The following FBN1 variants were observed in gnomAD, a reference collection of about 807,000 sequenced individuals.
FBN1 encodes the protein fibrillin 1.
Under a neutral mutation model 365.1 loss-of-function variants are expected in FBN1, and 29 were observed. The ratio of observed to expected loss-of-function variants is 0.08; its 90% CI spans 0.06 to 0.11. The LOEUF (loss-of-function observed/expected upper bound fraction) is 0.11, where lower values mean the gene tolerates loss of function less well. Among genes scored for constraint, FBN1 ranks in the 10% least tolerant of loss-of-function variants. FBN1 has a pLI of 1.00. For missense variants in FBN1, 2,476 were observed against 3,703.2 expected (o/e 0.67, Z 8.60); for synonymous variants, 1,210 against 1,270.5 (o/e 0.95, Z 1.01).
intron 32 of FBN1, among the ~76,000 whole-genome samples, chr15:48,479,753 C>A (rs2043452460): frequency 6.6e-6 from 1 of 152,166 alleles, no homozygotes. Context: ...GTCTTAGTAT[C>A]TGTGCAAATT....
At chr15:48,632,367 G>A (rs1890003958) in intron 2 of FBN1, among the ~76,000 whole-genome samples, 1 of 152,078 alleles carries the variant, frequency 6.6e-6, no homozygotes, top group South Asian at 2.1e-4. Flanking sequence ...ATCTGTAACA[G>A]CATTATAATC....
At chr15:48,491,397 C>A (rs1198569811) in intron 24 of FBN1, among the ~76,000 whole-genome samples, 1 of 151,484 alleles carries the variant, frequency 6.6e-6, no homozygotes, top group Admixed American at 6.6e-5. Context: ...TTTGCCTAGG[C>A]CGGACTGCAG....
chr15:48,444,142 T>C (rs1044220616), intron 49 of FBN1, among the ~76,000 whole-genome samples: 4 of 152,152 alleles, frequency 2.6e-5, no homozygotes, highest in Admixed American at 6.6e-5. Flanking sequence ...AGACAAACGA[T>C]ATAACCACAT....
chr15:48,593,429 T>C (rs1291465312), intron 6 of FBN1, among the ~76,000 whole-genome samples: 1 of 152,202 alleles, frequency 6.6e-6, no homozygotes, highest in Non-Finnish European at 1.5e-5. Context: ...ACATTCCTCC[T>C]TTTTGCATCC....
At chr15:48,578,145 T>C (rs1414019930) in intron 6 of FBN1, among the ~76,000 whole-genome samples, 4 of 152,164 alleles carry the variant, frequency 2.6e-5, no homozygotes, top group Non-Finnish European at 5.9e-5. Context: ...AGAAAATATA[T>C]TTTAAAATCA....
At chr15:48,561,192 C>T (rs974952582) in intron 6 of FBN1, among the ~76,000 whole-genome samples, 1 of 152,084 alleles carries the variant, frequency 6.6e-6, no homozygotes, top group Admixed American at 6.6e-5. Flanking sequence ...TTAGTGATTT[C>T]CTTAAAACTA....
chr15:48,420,635 C>T (rs1025097229), intron 63 of FBN1, 52 bp downstream of exon 63: 14 of 1,611,302 alleles, frequency 8.7e-6, no homozygotes, highest in Non-Finnish European at 1.2e-5. Context: ...CAGTGTTTTG[C>T]TTCATAGGAC....
chr15:48,505,805 G>T (rs2043703370), intron 15 of FBN1, among the ~76,000 whole-genome samples: 1 of 152,194 alleles, frequency 6.6e-6, no homozygotes, highest in South Asian at 2.1e-4. Flanking sequence ...TATACTTAAG[G>T]AGGTCTGGTA....
chr15:48,644,037 C>T (rs965704489), intron 2 of FBN1: 1 of 154,966 alleles, frequency 6.5e-6, no homozygotes, highest in Non-Finnish European at 1.4e-5. Context: ...ACTCAAAAAA[C>T]CAGTTCTCAG....
At chr15:48,430,153 T>C (rs2043013276) in intron 56 of FBN1, among the ~76,000 whole-genome samples, 1 of 152,178 alleles carries the variant, frequency 6.6e-6, no homozygotes, top group Non-Finnish European at 1.5e-5. Flanking sequence ...CAACTCCTGG[T>C]CTAAGGCTGA....
At chr15:48,413,707 T>C (rs1267297557) in intron 64 of FBN1, among the ~76,000 whole-genome samples, 1 of 152,234 alleles carries the variant, frequency 6.6e-6, no homozygotes, top group Non-Finnish European at 1.5e-5. Flanking sequence ...TTTAAATGGG[T>C]AGATTTCTAA....
intron 42 of FBN1, among the ~76,000 whole-genome samples, chr15:48,462,395 T>C (rs754968964): frequency 1.3e-5 from 2 of 152,206 alleles, no homozygotes; most frequent in Non-Finnish European, 2.9e-5. Context: ...TCTTTCTCCA[T>C]GAGAATATAA....
intron 63 of FBN1, among the ~76,000 whole-genome samples, chr15:48,419,714 A>G (rs1219921833): frequency 6.6e-6 from 1 of 152,212 alleles, no homozygotes; most frequent in Non-Finnish European, 1.5e-5. Flanking sequence ...CATCTGCATG[A>G]AAGTGAACCC....
chr15:48,465,299 A>AT (rs2043311489), intron 40 of FBN1, among the ~76,000 whole-genome samples: 1 of 152,190 alleles, frequency 6.6e-6, no homozygotes, highest in South Asian at 2.1e-4. Context: ...ATGGAAAAAT[A>AT]TTTTGTAAGC....
chr15:48,526,213 C>T lies in FBN1; in HGVS notation c.905G>A (p.Gly302Asp), dbSNP rs779866501. 1 of 1,613,974 alleles carries T rather than the reference C, an allele frequency of 6.2e-7. No homozygotes were observed. Among genetic ancestry groups the T allele is most frequent in the African/African-American group, 1.3e-5 (1 of 75,010 alleles). ...CSTIPGICEG[G>D]ECTNTVSSYF... is the part of the protein sequence containing the mutation. The stretch of plus-strand genomic sequence containing the variant: ...ACTGCTGACTGTGTTTGTACATTCA[C>T]CCCCTTCACAGATTCCAGGAATGGT... The change falls in exon 9 of 66, where the codon GGT becomes GAT. Residue 302 changes from glycine to aspartate, a missense_variant. Gly to Asp is a moderately conservative substitution (Grantham distance 94). Around this residue, in one of 5 missense-constraint regions of FBN1, gnomAD observed 421 missense variants for 520.1 expected, o/e 0.81. Coordinates refer to ENST00000316623, the MANE Select transcript of FBN1 (RefSeq NM_000138.5).
intron 8 of FBN1, among the ~76,000 whole-genome samples, chr15:48,526,514 C>T (rs1456953574): frequency 6.6e-6 from 1 of 152,206 alleles, no homozygotes; most frequent in African/African-American, 2.4e-5. Context: ...AACCTGTGTA[C>T]TGTTGTTTCA....
chr15:48,428,506 G>A lies in FBN1; in HGVS notation c.6872-35C>T, dbSNP rs1480977283. 2.5e-6 allele frequency: 4 copies of A among 1,613,118 alleles called. No individual in the cohort carries two copies. In the African/African-American group the frequency reaches 5.3e-5, roughly 22 times the overall value. ...TTTATTGAAGGACCAAAAACAAGAA[G>A]AGTCATCTGACCATTTTATAGAGGA... On this transcript the variant is annotated intron_variant, in intron 56 of 65. Transcript: ENST00000316623.
intron 2 of FBN1, chr15:48,643,523 A>G (rs1890236109): frequency 6.6e-6 from 1 of 152,202 alleles, no homozygotes; most frequent in Non-Finnish European, 1.5e-5. Context: ...CTACATATAC[A>G]TGACTATAAC....
At chr15:48,575,620 C>T (rs551766224) in intron 6 of FBN1, among the ~76,000 whole-genome samples, 7 of 152,140 alleles carry the variant, frequency 4.6e-5, no homozygotes, top group South Asian at 2.1e-4. Context: ...CCAACCTCTG[C>T]GGAAAACAGT....
Sources: gnomAD v4.1 joint callset for allele counts (sites outside exome capture counted in the v4.1 genomes callset) on GRCh38, gnomAD v4.1.1 for gene constraint, gnomAD v4.1.1 regional missense constraint, MANE v1.5 for transcripts, NCBI Gene and HGNC (gene_info 2026-07-23, HGNC 2026-07-21) for gene names.